Variants in SFTPD observed in about 807,000 individuals in gnomAD.
SFTPD encodes surfactant protein D.
Under a neutral mutation model 34.6 loss-of-function variants are expected in SFTPD, and 18 were observed. The ratio of observed to expected loss-of-function variants is 0.52; its 90% CI spans 0.36 to 0.77. The LOEUF (loss-of-function observed/expected upper bound fraction) is 0.77. Among genes scored for constraint, SFTPD ranks in the 30% least tolerant of loss-of-function variants. The pLI is 0.00. For synonymous variants in SFTPD, 155 were observed against 180.9 expected (o/e 0.86, Z 1.15); for missense variants, 433 against 468.9 (o/e 0.92, Z 0.71).
In SFTPD at chr10:79,966,680, A is replaced by T. The variant is rs1405462749; in HGVS notation, c.36+15895T>A. Among the ~76,000 whole-genome samples the T allele has an allele frequency of 2.3e-4, 33 of 146,062 alleles. 3 individuals are homozygous for T. The highest frequency in any genetic ancestry group is 3.5e-3 in the Middle Eastern group (1 of 286). ...GCCCATGCCTATGTCCTGAATGGTA[A>T]TGCCTAGGTTTTCTTCTAGGGTTTT... On this transcript the variant is annotated intron_variant, in intron 1 of 5. Transcript: ENST00000444384.
chr10:79,949,870 T>TTG (rs1842699501), upstream of SFTPD, among the ~76,000 whole-genome samples: 2 of 148,350 alleles, frequency 1.3e-5, no homozygotes, highest in Non-Finnish European at 3.0e-5. Flanking sequence ...TTTTTTTTTT[T>TTG]GAGACAGTCT....
At chr10:79,957,649 G>C (rs1842747844) in intron 1 of SFTPD, among the ~76,000 whole-genome samples, 1 of 152,242 alleles carries the variant, frequency 6.6e-6, no homozygotes, top group Non-Finnish European at 1.5e-5. Context: ...ATGGGACTAT[G>C]TGAAAAGACC....
At chr10:79,957,608 T>C (rs1457990273) in intron 1 of SFTPD, among the ~76,000 whole-genome samples, 3 of 151,936 alleles carry the variant, frequency 2.0e-5, no homozygotes, top group Admixed American at 6.6e-5. Context: ...GAAAAAAGAA[T>C]AAAAAGAAAT....
At chr10:79,959,735 A>C (rs1313380673) in intron 1 of SFTPD, among the ~76,000 whole-genome samples, 1 of 152,228 alleles carries the variant, frequency 6.6e-6, no homozygotes, top group African/African-American at 2.4e-5. Flanking sequence ...AGCTGGTACC[A>C]TTCCTTCTGA....
At chr10:79,961,673 G>A (rs1842773389) in intron 1 of SFTPD, among the ~76,000 whole-genome samples, 1 of 152,186 alleles carries the variant, frequency 6.6e-6, no homozygotes, top group Non-Finnish European at 1.5e-5. Flanking sequence ...TAGAGAAATA[G>A]GAACACTTTT....
intron 2 of SFTPD, among the ~76,000 whole-genome samples, chr10:79,945,109 G>C (rs976235319): frequency 4.6e-5 from 7 of 152,088 alleles, no homozygotes; most frequent in Non-Finnish European, 7.4e-5. Context: ...TCCAAGTACT[G>C]ACCCAAAGCC....
intron 1 of SFTPD, among the ~76,000 whole-genome samples, chr10:79,979,190 C>T (rs1313477422): frequency 1.3e-5 from 2 of 152,086 alleles, no homozygotes; most frequent in African/African-American, 4.8e-5. Flanking sequence ...TTTAACCAAG[C>T]AGGTGAATGA....
chr10:79,971,183 T>A (rs890812095), intron 1 of SFTPD: 1 of 152,206 alleles, frequency 6.6e-6, no homozygotes, highest in African/African-American at 2.4e-5. Flanking sequence ...GGTTTGCATA[T>A]GTCAAACCAT....
chr10:79,955,971 A>G, intron 1 of SFTPD, among the ~76,000 whole-genome samples: 1 of 152,234 alleles, frequency 6.6e-6, no homozygotes, highest in East Asian at 1.9e-4. Flanking sequence ...ACAAAGAGGC[A>G]GAAAAAAATA....
At chr10:79,963,296 A>G (rs1340271902) in intron 1 of SFTPD, among the ~76,000 whole-genome samples, 2 of 151,530 alleles carry the variant, frequency 1.3e-5, no homozygotes, top group Non-Finnish European at 2.9e-5. Flanking sequence ...GGCTGCAGTG[A>G]GCTATGACCA....
Position 79,938,105 on chromosome 10 carries a change from C to T in SFTPD, c.875G>A (p.Arg292His), listed in dbSNP as rs1407367050. ...TQAGGQLASP[R>H]SAAENAALQQ... ...CAAGGCGGCATTCTCAGCGGCAGAGCGTGGAGAGGCCAACTGTCCACCAGC... is the reference window on the plus strand; with the variant it reads ...CAAGGCGGCATTCTCAGCGGCAGAGTGTGGAGAGGCCAACTGTCCACCAGC... Residue 292 changes from arginine to histidine, a missense_variant, in exon 8 of 8, where the codon CGC becomes CAC. Transcript: ENST00000372292. 1.5e-5 allele frequency: 25 copies of T among 1,614,146 alleles called. No homozygotes were observed. The highest frequency in any genetic ancestry group is 2.1e-5 in the Non-Finnish European group (25 of 1,180,022).
intron 1 of SFTPD, among the ~76,000 whole-genome samples, chr10:79,964,312 C>A (rs1478590274): frequency 6.6e-6 from 1 of 152,180 alleles, no homozygotes; most frequent in Admixed American, 6.6e-5. Flanking sequence ...GCTTTACTTC[C>A]AAAGGAAACT....
chr10:79,982,120 C>T (rs915298894), intron 1 of SFTPD: 1 of 323,096 alleles, frequency 3.1e-6, no homozygotes. Context: ...CGCGCTCGCT[C>T]CCGCCCTCCT....
At chr10:79,940,233 T>A (rs1277120067) in intron 7 of SFTPD, among the ~76,000 whole-genome samples, 1 of 152,166 alleles carries the variant, frequency 6.6e-6, no homozygotes, top group African/African-American at 2.4e-5. Context: ...AGCTAAGAAA[T>A]GCAGCCCGTG....
chr10:79,946,567 C>T lies in SFTPD; in HGVS notation c.93G>A (p.Met31Ile), dbSNP rs760814472. Residue 31 changes from methionine to isoleucine, a missense_variant, in exon 2 of 8, where the codon ATG (methionine) becomes ATA (isoleucine). Coordinates refer to ENST00000372292, the MANE Select transcript of SFTPD (RefSeq NM_003019.5). Reference sequence around the variant, plus strand: ...ACATGACCAGGGTGCAAGCACTGGGCATTGTTCTGTGGGAGTAGGTCTTCA... The same window carrying T: ...ACATGACCAGGGTGCAAGCACTGGGTATTGTTCTGTGGGAGTAGGTCTTCA... Reference protein sequence around the residue: ...AEMKTYSHRTMPSACTLVMCS... With the variant: ...AEMKTYSHRTIPSACTLVMCS... 7 of 1,614,156 alleles carry T rather than the reference C, an allele frequency of 4.3e-6. No homozygotes were observed. The South Asian group carries it at 6.6e-5, about 15-fold the overall frequency.
At chr10:79,941,231 G>GC (rs1842607990) in intron 6 of SFTPD, among the ~76,000 whole-genome samples, 167 bp downstream of exon 6, 1 of 152,220 alleles carries the variant, frequency 6.6e-6, no homozygotes, top group Admixed American at 6.5e-5. Context: ...TAAGACCAGA[G>GC]CCCCATGCTC....
chr10:79,940,818 C>G (rs12784549), intron 6 of SFTPD, 30 bp from the exon 7 acceptor site: 56,659 of 1,473,234 alleles, frequency 0.038, 1,272 homozygotes, highest in Non-Finnish European at 0.044. Flanking sequence ...CAAGTAAAGA[C>G]TTGTCCAGAG....
chr10:79,957,919 A>T (rs1489587537), intron 1 of SFTPD, among the ~76,000 whole-genome samples: 1 of 152,240 alleles, frequency 6.6e-6, no homozygotes, highest in Non-Finnish European at 1.5e-5. Context: ...GGTTACCCAC[A>T]ACGGGAAGCC....
chr10:79,942,153 C>T lies in SFTPD; in HGVS notation c.434-83G>A, dbSNP rs143955747. On this transcript the variant is annotated intron_variant, in intron 4 of 7. Coordinates refer to ENST00000372292, the MANE Select transcript of SFTPD (RefSeq NM_003019.5). ...TTTGTTAGCAATGGAGCTTTTTGCCCGCAACTTTAGGGTCAGAGAGAGAAG... is the reference window on the plus strand; with the variant it reads ...TTTGTTAGCAATGGAGCTTTTTGCCTGCAACTTTAGGGTCAGAGAGAGAAG... 113 of 1,028,668 alleles carry T rather than the reference C, an allele frequency of 1.1e-4. No homozygotes were observed. The African/African-American group carries it at 1.6e-3, about 14-fold the overall frequency. The allele number at this position is 1,028,668 out of a possible 1,614,324, so 63.7% of individuals were successfully genotyped here. A position where few individuals can be genotyped will look rare whatever the true frequency, so the allele number is the denominator to read the frequency against.
Sources: gnomAD v4.1 joint callset for allele counts (sites outside exome capture counted in the v4.1 genomes callset) on GRCh38, gnomAD v4.1.1 for gene constraint, MANE v1.5 for transcripts, NCBI Gene and HGNC (gene_info 2026-07-23, HGNC 2026-07-21) for gene names.